The following FAM171A1 variants were observed in gnomAD, a reference collection of about 807,000 sequenced individuals.
FAM171A1 encodes protein FAM171A1.
FAM171A1 carries 23 observed loss-of-function variants against 74.9 expected under a neutral mutation model. The ratio of observed to expected loss-of-function variants is 0.31; its 90% CI spans 0.22 to 0.44. The LOEUF (loss-of-function observed/expected upper bound fraction) is 0.44. FAM171A1 is among the 20% of genes least tolerant of loss of function. FAM171A1 has a pLI of 1.00. For synonymous variants in FAM171A1, 527 were observed against 505.7 expected, an observed-to-expected ratio of 1.04 and a Z score of -0.57; for missense variants, 1,162 against 1,159.2, an observed-to-expected ratio of 1.00 and a Z score of -0.03.
intron 5 of FAM171A1, among the ~76,000 whole-genome samples, chr10:15,229,699 CCAT>C (rs1356555122): frequency 1.3e-4 from 16 of 126,774 alleles, no homozygotes; most frequent in South Asian, 2.6e-4. Flanking sequence ...ACCACCATCA[CCAT>C]CATCATCATC....
chr10:15,322,685 C>T (rs1835500659), intron 1 of FAM171A1, among the ~76,000 whole-genome samples: 1 of 152,214 alleles, frequency 6.6e-6, no homozygotes, highest in Non-Finnish European at 1.5e-5. Flanking sequence ...ACCAAGTAGC[C>T]CTCCAGAGTG....
At chr10:15,215,773 C>G (rs552517175) in intron 7 of FAM171A1, among the ~76,000 whole-genome samples, 2 of 152,090 alleles carry the variant, frequency 1.3e-5, no homozygotes, top group Non-Finnish European at 2.9e-5. Flanking sequence ...TTTCATAACT[C>G]CCCTTCTAAG....
chr10:15,320,385 G>C (rs141100032), intron 1 of FAM171A1, among the ~76,000 whole-genome samples: 4 of 152,286 alleles, frequency 2.6e-5, no homozygotes, highest in African/African-American at 9.6e-5. Flanking sequence ...TGGGCTTCTA[G>C]GTTGATTTCA....
chr10:15,274,409 C>T (rs537411021), intron 3 of FAM171A1, among the ~76,000 whole-genome samples: 18 of 152,278 alleles, frequency 1.2e-4, no homozygotes, highest in Non-Finnish European at 2.1e-4. Context: ...TGGAAGAACA[C>T]TCCATGCTCA....
chr10:15,342,945 G>A (rs1409424870), intron 1 of FAM171A1, among the ~76,000 whole-genome samples: 1 of 152,200 alleles, frequency 6.6e-6, no homozygotes, highest in Non-Finnish European at 1.5e-5. Context: ...TTTAACCCGT[G>A]AGCAAAGGTT....
chr10:15,307,482 TA>T (rs1342780596), intron 1 of FAM171A1, among the ~76,000 whole-genome samples: 2 of 151,838 alleles, frequency 1.3e-5, no homozygotes, highest in East Asian at 1.9e-4. Flanking sequence ...TCGTCTCTAC[TA>T]AAAACACAGC....
chr10:15,214,769 T>C (rs1588491357), intron 7 of FAM171A1, among the ~76,000 whole-genome samples, 168 bp from the exon 8 acceptor site: 1 of 151,892 alleles, frequency 6.6e-6, no homozygotes. Context: ...TTTTTTTTTT[T>C]TTTTTGAGAC....
chr10:15,249,605 A>G (rs1213127427), intron 4 of FAM171A1, among the ~76,000 whole-genome samples: 3 of 152,196 alleles, frequency 2.0e-5, no homozygotes, highest in African/African-American at 7.2e-5. Flanking sequence ...TTTTTTTAAC[A>G]TAGCAAATTT....
chr10:15,292,105 C>T (rs1253169899), intron 1 of FAM171A1, among the ~76,000 whole-genome samples: 9 of 152,130 alleles, frequency 5.9e-5, no homozygotes, highest in Non-Finnish European at 4.4e-5. Flanking sequence ...CTTTTCACTG[C>T]ATCCTCACGT....
intron 3 of FAM171A1, among the ~76,000 whole-genome samples, chr10:15,268,088 GTGTATAAATGC>G (rs1171593229): frequency 1.3e-5 from 2 of 152,162 alleles, no homozygotes; most frequent in African/African-American, 4.8e-5. Flanking sequence ...GAAGCCCTGT[GTGTATAAATGC>G]TGTAGCCTCG....
At chr10:15,264,720 G>C (rs1564626979) in intron 3 of FAM171A1, among the ~76,000 whole-genome samples, 1 of 152,126 alleles carries the variant, frequency 6.6e-6, no homozygotes, top group African/African-American at 2.4e-5. Context: ...GAGGCAGAGG[G>C]TGCAGTGAGC....
At chr10:15,253,922 T>C (rs1834541698) in intron 4 of FAM171A1, among the ~76,000 whole-genome samples, 1 of 152,210 alleles carries the variant, frequency 6.6e-6, no homozygotes, top group Admixed American at 6.5e-5. Context: ...GGTACCCGTC[T>C]TGGGTCTTTC....
At chr10:15,244,894 C>T (rs935104083) in intron 5 of FAM171A1, among the ~76,000 whole-genome samples, 11 of 152,182 alleles carry the variant, frequency 7.2e-5, no homozygotes, top group Non-Finnish European at 1.0e-4. Context: ...CGGCTGTGCT[C>T]GTGAAAGTGA....
chr10:15,275,119 G>C (rs1834876857), intron 3 of FAM171A1, among the ~76,000 whole-genome samples: 2 of 152,048 alleles, frequency 1.3e-5, no homozygotes, highest in African/African-American at 2.4e-5. Flanking sequence ...GGGGGAGTGG[G>C]GAGGGATAGC....
intron 1 of FAM171A1, among the ~76,000 whole-genome samples, chr10:15,290,145 T>C (rs1186406727): frequency 2.0e-5 from 3 of 151,984 alleles, no homozygotes; most frequent in African/African-American, 7.2e-5. Context: ...GGAGAATTGC[T>C]TGAACCCAGG....
intron 1 of FAM171A1, among the ~76,000 whole-genome samples, chr10:15,288,137 A>G (rs746100815): frequency 6.6e-6 from 1 of 152,184 alleles, no homozygotes; most frequent in Non-Finnish European, 1.5e-5. Flanking sequence ...GTATATATAT[A>G]CCACATTTTC....
chr10:15,268,108 C>A (rs759461970), intron 3 of FAM171A1, among the ~76,000 whole-genome samples: 1 of 152,122 alleles, frequency 6.6e-6, no homozygotes, highest in Non-Finnish European at 1.5e-5. Context: ...GCTGTAGCCT[C>A]GTCCCTTCCT....
At chr10:15,261,565 G>C (rs1834657825) in intron 3 of FAM171A1, among the ~76,000 whole-genome samples, 2 of 152,212 alleles carry the variant, frequency 1.3e-5, no homozygotes, top group Admixed American at 1.3e-4. Flanking sequence ...TTAAGTGCTA[G>C]AATAAGAGGG....
chr10:15,233,560 G>T (rs1308902215), intron 5 of FAM171A1, among the ~76,000 whole-genome samples: 1 of 150,828 alleles, frequency 6.6e-6, no homozygotes, highest in Admixed American at 6.6e-5. Flanking sequence ...GTGTGTGCAT[G>T]TGTGTGCGTA....
Sources: allele counts gnomAD v4.1 joint callset (sites outside exome capture counted in the v4.1 genomes callset), GRCh38; gene constraint gnomAD v4.1.1; transcripts MANE v1.5; gene names NCBI Gene and HGNC (gene_info 2026-07-23, HGNC 2026-07-21).